TACC2: variants seen among roughly 807,000 people sequenced by gnomAD.
TACC2 encodes transforming acidic coiled-coil containing protein 2.
In TACC2, 137 loss-of-function variants were observed where a neutral mutation model predicts 227.3. The ratio of observed to expected loss-of-function variants is 0.60; its 90% CI spans 0.52 to 0.69. TACC2 has a LOEUF of 0.69. Among genes scored for constraint, TACC2 ranks in the 30% least tolerant of loss-of-function variants. TACC2 has a pLI of 0.00. For missense variants in TACC2, 3,470 were observed against 3,694.4 expected (o/e 0.94, Z 1.57); for synonymous variants, 1,523 against 1,487.5 (o/e 1.02, Z -0.55).
intron 7 of TACC2, among the ~76,000 whole-genome samples, chr10:122,167,778 A>C (rs990979188): frequency 6.6e-6 from 1 of 152,208 alleles, no homozygotes; most frequent in Non-Finnish European, 1.5e-5. Flanking sequence ...GCAAAAGTGG[A>C]AATGCCCTAT....
chr10:122,118,611 C>T (rs2085167878), intron 5 of TACC2, among the ~76,000 whole-genome samples: 1 of 152,158 alleles, frequency 6.6e-6, no homozygotes, highest in Non-Finnish European at 1.5e-5. Context: ...GGTTGCATTG[C>T]AGGGAGAGGA....
At chr10:122,181,971 A>C (rs60334545) in intron 7 of TACC2, among the ~76,000 whole-genome samples, 2,991 of 152,300 alleles carry the variant, frequency 0.02, 88 homozygotes, top group African/African-American at 0.067. Context: ...CACTGCTTGC[A>C]GACTGCAGTA....
At chr10:122,061,762 A>G (rs2076846829) in intron 3 of TACC2, among the ~76,000 whole-genome samples, 1 of 152,126 alleles carries the variant, frequency 6.6e-6, no homozygotes, top group African/African-American at 2.4e-5. Context: ...CATGCAAATG[A>G]ATAATTCTAG....
chr10:122,068,749 C>T (rs768967902), intron 3 of TACC2, among the ~76,000 whole-genome samples: 12 of 151,682 alleles, frequency 7.9e-5, no homozygotes, highest in South Asian at 4.2e-4. Flanking sequence ...CTGCAACCTC[C>T]GCTTTCCGGG....
chr10:122,168,583 C>T (rs1247310585), intron 7 of TACC2, among the ~76,000 whole-genome samples: 1 of 152,160 alleles, frequency 6.6e-6, no homozygotes, highest in Non-Finnish European at 1.5e-5. Context: ...ATTCCGAGGT[C>T]CTCCAGGTAG....
intron 6 of TACC2, among the ~76,000 whole-genome samples, chr10:122,138,598 G>A (rs1396898998): frequency 6.6e-6 from 1 of 152,204 alleles, no homozygotes; most frequent in Non-Finnish European, 1.5e-5. Context: ...AGTCTTCTCT[G>A]AATAACAGAA....
At chr10:122,035,586 AT>A (rs1010417038) in intron 2 of TACC2, among the ~76,000 whole-genome samples, 1 of 152,066 alleles carries the variant, frequency 6.6e-6, no homozygotes, top group Non-Finnish European at 1.5e-5. Flanking sequence ...GGGGCTATTT[AT>A]TTTTTTATTA....
At chr10:122,036,162 T>C (rs1960251686) in intron 2 of TACC2, among the ~76,000 whole-genome samples, 1 of 152,182 alleles carries the variant, frequency 6.6e-6, no homozygotes, top group Admixed American at 6.6e-5. Flanking sequence ...TGATATTCCA[T>C]TGTGTGTATA....
intron 5 of TACC2, among the ~76,000 whole-genome samples, chr10:122,104,847 C>G (rs1206584321): frequency 6.6e-6 from 1 of 152,234 alleles, no homozygotes; most frequent in Non-Finnish European, 1.5e-5. Context: ...ATTCCCTCTT[C>G]TGGAACATCT....
At position 122,087,759 on chromosome 10, in the gene TACC2, C is replaced by A. The variant is rs995750903; in HGVS notation, c.5259C>A (p.Asp1753Glu). Residue 1753 changes from aspartate to glutamate, a missense_variant, in exon 4 of 23, where the codon GAC becomes GAA. Physicochemically the swap from Asp to Glu is conservative, Grantham distance 45. Coordinates refer to ENST00000369005, the MANE Select transcript of TACC2 (RefSeq NM_206862.4). Reference protein sequence around the residue: ...PGSCQDPACSDKAPGMEGTAA... With the variant: ...PGSCQDPACSEKAPGMEGTAA... Reference sequence around the variant, plus strand: ...GCTGTCAGGACCCAGCCTGCTCTGACAAGGCTCCGGGGATGGAGGGTACAG... The same window carrying A: ...GCTGTCAGGACCCAGCCTGCTCTGAAAAGGCTCCGGGGATGGAGGGTACAG... 6.2e-7 allele frequency: 1 copy of A among 1,609,814 alleles called. No individual in the cohort carries two copies. The highest frequency in any genetic ancestry group is 1.3e-5 in the African/African-American group (1 of 74,894).
At chr10:122,184,782 C>T (rs371611197) in intron 7 of TACC2, among the ~76,000 whole-genome samples, 53 of 152,188 alleles carry the variant, frequency 3.5e-4, no homozygotes, top group African/African-American at 1.0e-3. Context: ...ATATTATATA[C>T]ACATTTCTTA....
At chr10:122,030,421 C>T (rs757163386) in intron 2 of TACC2, among the ~76,000 whole-genome samples, 50 of 152,214 alleles carry the variant, frequency 3.3e-4, no homozygotes, top group Middle Eastern at 3.4e-3. Flanking sequence ...ACAGTGATGT[C>T]GACTTCTCTC....
At chr10:121,999,012 C>CTT (rs201601074) in intron 1 of TACC2, among the ~76,000 whole-genome samples, 4 of 142,120 alleles carry the variant, frequency 2.8e-5, no homozygotes, top group East Asian at 2.0e-4. Flanking sequence ...TTCTTTCTTT[C>CTT]TTTTTTTTTT....
intron 3 of TACC2, among the ~76,000 whole-genome samples, chr10:122,077,180 C>T (rs946641700): frequency 4.0e-5 from 6 of 151,446 alleles, no homozygotes; most frequent in Non-Finnish European, 8.8e-5. Flanking sequence ...TTGGGTGCAT[C>T]TCTGTATATT....
rs746372962 is a variant in TACC2, at chr10:122,228,053, G to T, written c.7896+45G>T. The T allele has an allele frequency of 3.2e-6, 5 of 1,576,508 alleles. No homozygotes were observed. In the South Asian group the frequency reaches 5.8e-5, roughly 18 times the overall value. ...CCCAGATCACAGGGGATGAGGTGTG[G>T]GCCAGCTGCGTATTGTCACCAAGAA... On this transcript the variant is annotated intron_variant, in intron 14 of 22. Transcript: ENST00000369005.
At chr10:122,218,254 G>GT (rs1565668542) in intron 11 of TACC2, among the ~76,000 whole-genome samples, 2 of 152,268 alleles carry the variant, frequency 1.3e-5, no homozygotes, top group East Asian at 3.9e-4. Context: ...ATTTCTAACA[G>GT]TTTTTTTGAA....
At chr10:122,132,067 A>AGGAAGG (rs57429902) in intron 5 of TACC2, among the ~76,000 whole-genome samples, 380 of 28,754 alleles carry the variant, frequency 0.013, 25 homozygotes, top group African/African-American at 0.026. Context: ...AAAGAAAGAA[A>AGGAAGG]AAGAAAGAAA....
chr10:122,225,821 C>T (rs1278999581), intron 12 of TACC2, among the ~76,000 whole-genome samples: 1 of 152,172 alleles, frequency 6.6e-6, no homozygotes, highest in East Asian at 1.9e-4. Flanking sequence ...GAGCAGCATA[C>T]CTGCCGGCCG....
At chr10:122,133,961 G>A (rs1050971340) in intron 6 of TACC2, among the ~76,000 whole-genome samples, 5 of 152,282 alleles carry the variant, frequency 3.3e-5, no homozygotes, top group Admixed American at 1.3e-4. Flanking sequence ...GGGCTGGCCC[G>A]TGCTGACCCT....
Sources: gnomAD v4.1 joint callset for allele counts (sites outside exome capture counted in the v4.1 genomes callset) on GRCh38, gnomAD v4.1.1 for gene constraint, MANE v1.5 for transcripts, NCBI Gene and HGNC (gene_info 2026-07-23, HGNC 2026-07-21) for gene names.